The following CASZ1 variants were observed in gnomAD, a reference collection of about 807,000 sequenced individuals.
The protein encoded by CASZ1 is castor zinc finger 1, also known as zinc finger protein castor homolog 1.
CASZ1 carries 28 observed loss-of-function variants against 135.2 expected under a neutral mutation model. The observed-to-expected ratio is 0.21, with a 90% CI of 0.15 to 0.28. The LOEUF is 0.28. Ranked by LOEUF, CASZ1 falls within the 10% of genes least tolerant of loss-of-function variation. The pLI, the probability that CASZ1 is intolerant of heterozygous loss-of-function variation, is 1.00. For synonymous variants in CASZ1, 1,068 were observed against 1,073.4 expected, an observed-to-expected ratio of 0.99 and a Z score of 0.10; for missense variants, 2,161 against 2,453.3, an observed-to-expected ratio of 0.88 and a Z score of 2.52.
rs888503906 is a variant in CASZ1, at chr1:10,719,454, G to C, written c.-76-13910C>G. ...CCTGAAATTCAAGGTGATGTCCTAA[G>C]GCTGCACACGCCATGCATTTAGAAT... On this transcript the variant is annotated intron_variant, in intron 2 of 20. Coordinates refer to ENST00000377022, the MANE Select transcript of CASZ1 (RefSeq NM_001079843.3). The surrounding 1 kb of genome is among the most constrained non-coding windows in gnomAD (Gnocchi z 4.0). Among the ~76,000 whole-genome samples, 4 of 152,230 alleles carry C rather than the reference G, an allele frequency of 2.6e-5. No individual in the cohort carries two copies. Among genetic ancestry groups the C allele is most frequent in the African/African-American group, 9.6e-5 (4 of 41,458 alleles).
At chr1:10,658,868 T>C (rs971489834) in intron 6 of CASZ1, among the ~76,000 whole-genome samples, 3 of 152,102 alleles carry the variant, frequency 2.0e-5, no homozygotes, top group Admixed American at 2.0e-4. Context: ...TCAGGGAGCA[T>C]CAGGAGGCCG....
intron 19 of CASZ1, 34 bp from the exon 20 acceptor site, chr1:10,643,034 G>A (rs763075289): frequency 3.8e-5 from 61 of 1,606,070 alleles, no homozygotes; most frequent in Non-Finnish European, 4.9e-5. Context: ...AGGAAGTGGG[G>A]CTGTGGGGTA....
At chr1:10,718,312 C>G (rs539455525) in intron 2 of CASZ1, among the ~76,000 whole-genome samples, 1 of 152,246 alleles carries the variant, frequency 6.6e-6, no homozygotes, top group African/African-American at 2.4e-5. Flanking sequence ...ACTCGGCAGC[C>G]CAGGCCCTGC....
At chr1:10,651,104 C>A in intron 11 of CASZ1, 28 bp from the exon 12 acceptor site, 1 of 1,470,424 alleles carries the variant, frequency 6.8e-7, no homozygotes, top group South Asian at 1.5e-5. Context: ...GAAGATGCGT[C>A]AGAGGGGCTG....
chr1:10,701,842 G>A lies in CASZ1; in HGVS notation c.-24+3650C>T, dbSNP rs150714021. 6.6e-6 allele frequency among the ~76,000 whole-genome samples: 1 copy of A among 152,198 alleles called. No homozygotes were observed. Among genetic ancestry groups the A allele is most frequent in the Non-Finnish European group, 1.5e-5 (1 of 67,988 alleles). ...CCTCCTGCTGAACTAACAGGTGCTCGTCCAGGAGCCGACCTGAGGGAGCCC... is the reference window on the plus strand; with the variant it reads ...CCTCCTGCTGAACTAACAGGTGCTCATCCAGGAGCCGACCTGAGGGAGCCC... On this transcript the variant is annotated intron_variant, in intron 3 of 20. Transcript: ENST00000377022. The surrounding 1 kb of genome is among the most constrained non-coding windows in gnomAD (Gnocchi z 6.3).
intron 4 of CASZ1, among the ~76,000 whole-genome samples, chr1:10,677,591 C>CAGAACTTT (rs1424593898): frequency 6.6e-6 from 1 of 152,080 alleles, no homozygotes; most frequent in Non-Finnish European, 1.5e-5. Context: ...CCTAGGTGCA[C>CAGAACTTT]AGAACTTTAG....
intron 1 of CASZ1, among the ~76,000 whole-genome samples, chr1:10,792,265 G>A (rs1356320925): frequency 1.6e-5 from 2 of 121,522 alleles, no homozygotes; most frequent in African/African-American, 6.4e-5. Flanking sequence ...TGAACCTTCT[G>A]GCCAGATATA....
intron 2 of CASZ1, among the ~76,000 whole-genome samples, chr1:10,723,729 C>G (rs1023114935): frequency 6.6e-6 from 1 of 152,208 alleles, no homozygotes; most frequent in Non-Finnish European, 1.5e-5. Flanking sequence ...GGCCCTGTCT[C>G]CCACTCTCTT....
At chr1:10,712,911 G>A (rs768778808) in intron 2 of CASZ1, among the ~76,000 whole-genome samples, 7 of 152,316 alleles carry the variant, frequency 4.6e-5, no homozygotes, top group South Asian at 2.1e-4. Context: ...GGTCTGAGTC[G>A]ATGACTTCCC....
intron 3 of CASZ1, among the ~76,000 whole-genome samples, chr1:10,696,954 A>G (rs1403082735): frequency 2.0e-5 from 3 of 152,220 alleles, no homozygotes; most frequent in African/African-American, 7.2e-5. Flanking sequence ...GGAATGGCGG[A>G]AGGGACAGGA....
At chr1:10,734,245 G>A (rs894800552) in intron 2 of CASZ1, among the ~76,000 whole-genome samples, 2 of 132,782 alleles carry the variant, frequency 1.5e-5, no homozygotes, top group African/African-American at 5.6e-5. Flanking sequence ...TTCCAGCACC[G>A]AAACTCCAAG....
At chr1:10,658,633 A>G in intron 6 of CASZ1, 57 bp from the exon 7 acceptor site, 1 of 1,501,426 alleles carries the variant, frequency 6.7e-7, no homozygotes, top group Non-Finnish European at 9.3e-7. Flanking sequence ...CTCGTGTTAC[A>G]GGGGCATCTG....
rs532036744 is a variant in CASZ1 at position 10,727,542 on chromosome 1, G to C, written c.-76-21998C>G. Among the ~76,000 whole-genome samples, 12 of 152,274 alleles carry C rather than the reference G, an allele frequency of 7.9e-5. No homozygotes were observed. Among genetic ancestry groups the C allele is most frequent in the African/African-American group, 2.4e-4 (10 of 41,560 alleles). On this transcript the variant is annotated intron_variant, in intron 2 of 20. Coordinates refer to ENST00000377022, the MANE Select transcript of CASZ1 (RefSeq NM_001079843.3). This position sits in a 1 kb window ranked among gnomAD's most constrained non-coding sequence, Gnocchi z 5.3. ...AAGCTTTTACGGTTCTGTCCTGAAG[G>C]ACTCTCTTCCTTGGTCCCCATAGCC...
intron 8 of CASZ1, 62 bp downstream of exon 8, chr1:10,656,584 T>C (rs1449538036): frequency 3.0e-6 from 4 of 1,316,608 alleles, no homozygotes; most frequent in Non-Finnish European, 4.3e-6. Context: ...CCTGCCGACT[T>C]CTAAGCGCCT....
At chr1:10,742,758 C>A (rs1014844273) in intron 2 of CASZ1, among the ~76,000 whole-genome samples, 1 of 151,918 alleles carries the variant, frequency 6.6e-6, no homozygotes, top group African/African-American at 2.4e-5. Flanking sequence ...CTGAGGCAGG[C>A]GGATCACTTG....
rs992065294 is a variant in CASZ1 at position 10,725,424 on chromosome 1, G to T, written c.-76-19880C>A. Among the ~76,000 whole-genome samples the T allele has an allele frequency of 6.6e-6, 1 of 151,876 alleles. No individual in the cohort carries two copies. Among genetic ancestry groups the T allele is most frequent in the South Asian group, 2.1e-4 (1 of 4,820 alleles). ...GTTAAGCTCCATATTTTTCCTTGTC[G>T]ATTGAAGAGACACACTTTCCTCTTT... On this transcript the variant is annotated intron_variant, in intron 2 of 20. Transcript: ENST00000377022. This position sits in a 1 kb window ranked among gnomAD's most constrained non-coding sequence, Gnocchi z 4.4.
chr1:10,692,456 G>A (rs888054937), intron 4 of CASZ1, among the ~76,000 whole-genome samples: 19 of 152,038 alleles, frequency 1.2e-4, no homozygotes, highest in African/African-American at 1.7e-4. Flanking sequence ...ATGAGACACC[G>A]ACTGGAGGTG....
At chr1:10,771,305 A>G (rs1291815163) in intron 1 of CASZ1, among the ~76,000 whole-genome samples, 2 of 151,946 alleles carry the variant, frequency 1.3e-5, no homozygotes, top group East Asian at 3.9e-4. Flanking sequence ...AAATGTCCTT[A>G]CTTAGAAGTT....
chr1:10,681,988 T>C (rs940666477), intron 4 of CASZ1, among the ~76,000 whole-genome samples: 4 of 152,224 alleles, frequency 2.6e-5, no homozygotes, highest in South Asian at 2.1e-4. Context: ...GGCCAGTCCC[T>C]TTCTGAATAA....
Sources: allele counts gnomAD v4.1 joint callset (sites outside exome capture counted in the v4.1 genomes callset), GRCh38; gene constraint gnomAD v4.1.1; non-coding constraint Gnocchi (gnomAD v3.1); transcripts MANE v1.5; gene names NCBI Gene and HGNC (gene_info 2026-07-23, HGNC 2026-07-21).